The following CASR variants were observed in gnomAD, a reference collection of about 807,000 sequenced individuals.
The protein encoded by CASR is calcium sensing receptor, also known as extracellular calcium-sensing receptor.
CASR carries 23 observed loss-of-function variants against 69.1 expected under a neutral mutation model. The ratio of observed to expected loss-of-function variants is 0.33; its 90% CI spans 0.24 to 0.47. CASR has a LOEUF of 0.47. Ranked by LOEUF, CASR falls within the 20% of genes least tolerant of loss-of-function variation. The pLI is 1.00. For synonymous variants in CASR, 541 were observed against 544.7 expected, an observed-to-expected ratio of 0.99 and a Z score of 0.10; for missense variants, 924 against 1,356.1, an observed-to-expected ratio of 0.68 and a Z score of 5.00.
In CASR at chr3:122,208,870, G is replaced by A. The variant is rs184849798; in HGVS notation, c.-243+25058G>A. Among the ~76,000 whole-genome samples the A allele has an allele frequency of 4.7e-3, 718 of 152,172 alleles. 2 individuals carry two copies. Among genetic ancestry groups the A allele is most frequent in the Non-Finnish European group, 8.2e-3 (555 of 67,986 alleles). ...CTTGGAGAAAAAGGAAAGAGTGCAC[G>A]CCTTAGATGTAGATTATTTAGGCTA... On this transcript the variant is annotated intron_variant, in intron 1 of 6. Transcript: ENST00000639785.
At chr3:122,262,508 A>T in intron 4 of CASR, 96 bp downstream of exon 4, 1 of 1,092,656 alleles carries the variant, frequency 9.2e-7, no homozygotes, top group African/African-American at 1.5e-5. Context: ...GAAAAGGGCA[A>T]TATTTAAATG....
chr3:122,247,250 T>G (rs1179275369), intron 1 of CASR: 1 of 152,216 alleles, frequency 6.6e-6, no homozygotes, highest in Non-Finnish European at 1.5e-5. Flanking sequence ...GAGGCATATG[T>G]GCTCCTGTGG....
intron 1 of CASR, among the ~76,000 whole-genome samples, chr3:122,209,429 C>CA (rs2074040400): frequency 1.3e-5 from 2 of 152,188 alleles, no homozygotes; most frequent in South Asian, 2.1e-4. Flanking sequence ...ATTGGACTTA[C>CA]AGTTCCATGT....
chr3:122,214,351 G>T lies in CASR; in HGVS notation c.-243+30539G>T, dbSNP rs892867645. ...CTCAAGGTGGCGGGGGTGGGGGGCA[G>T]TATAGACAAACAATTGCAGAGCTGA... On this transcript the variant is annotated intron_variant, in intron 1 of 6. Transcript: ENST00000639785. Among the ~76,000 whole-genome samples, 5 of 152,176 alleles carry T rather than the reference G, an allele frequency of 3.3e-5. No individual in the cohort carries two copies. In the Middle Eastern group the frequency reaches 0.014, roughly 414 times the overall value.
At chr3:122,245,114 T>A (rs2074414610) in intron 1 of CASR, among the ~76,000 whole-genome samples, 1 of 152,226 alleles carries the variant, frequency 6.6e-6, no homozygotes, top group Non-Finnish European at 1.5e-5. Context: ...AGTATTTGCC[T>A]ATAACTTATC....
chr3:122,270,870 T>C (rs1418129760), intron 4 of CASR, among the ~76,000 whole-genome samples: 2 of 152,178 alleles, frequency 1.3e-5, no homozygotes. Context: ...TTTTGTTTGA[T>C]TTTAATATTT....
rs182138334 is a variant in CASR at position 122,239,126 on chromosome 3, G to A, written c.-242-14822G>A. Among the ~76,000 whole-genome samples the A allele has an allele frequency of 2.6e-3, 396 of 152,236 alleles. 5 individuals carry two copies. The highest frequency in any genetic ancestry group is 2.3e-3 in the East Asian group (12 of 5,178). On this transcript the variant is annotated intron_variant, in intron 1 of 6. Transcript: ENST00000639785. ...AGCACCAAGCGGGCTCTTGGGTCCC[G>A]AGCCCAGGTGTAGGCTCCTAGACAG...
Position 122,285,072 on chromosome 3 carries a change from C to G in CASR, c.3118C>G (p.Gln1040Glu), listed in dbSNP as rs1007139212. The G allele has an allele frequency of 4.3e-6, 7 of 1,614,086 alleles. No homozygotes were observed. The African/African-American group carries it at 9.3e-5, about 22-fold the overall frequency. ...TCTGCAAGGACCTGTGGGTGGAGAC[C>G]AGCGGCCAGAGGTGGAGGACCCTGA... is the stretch of plus-strand genomic sequence containing the variant. ...TGLQGPVGGD[Q>E]RPEVEDPEEL... The change falls in exon 7 of 7, where the codon CAG becomes GAG. Residue 1040 changes from glutamine (Q) to glutamate (E), a missense_variant. Physicochemically the swap from Gln to Glu is conservative, Grantham distance 29. This residue lies in a region of CASR where 201 missense variants were observed against 228.8 expected (regional missense o/e 0.88). Coordinates refer to ENST00000639785, the MANE Select transcript of CASR (RefSeq NM_000388.4).
chr3:122,195,304 G>A lies in CASR; in HGVS notation c.-243+11492G>A, dbSNP rs1559933812. 3.3e-5 allele frequency among the ~76,000 whole-genome samples: 5 copies of A among 152,266 alleles called. No homozygotes were observed. In the South Asian group the frequency reaches 1.0e-3, roughly 32 times the overall value. On this transcript the variant is annotated intron_variant, in intron 1 of 6. Coordinates refer to ENST00000639785, the MANE Select transcript of CASR (RefSeq NM_000388.4). ...CCCATCCATTTAGTTCAAAAGTGCTGGTTGTGTTTGTGTTACAGGTTCATG... is the reference window on the plus strand; with the variant it reads ...CCCATCCATTTAGTTCAAAAGTGCTAGTTGTGTTTGTGTTACAGGTTCATG...
chr3:122,229,751 A>G (rs569945471), intron 1 of CASR, among the ~76,000 whole-genome samples: 8 of 151,532 alleles, frequency 5.3e-5, no homozygotes, highest in African/African-American at 1.9e-4. Context: ...AATCTCAGCT[A>G]CTCGGGAGGC....
At chr3:122,206,001 C>A (rs896711426) in intron 1 of CASR, among the ~76,000 whole-genome samples, 4 of 151,890 alleles carry the variant, frequency 2.6e-5, no homozygotes, top group African/African-American at 9.7e-5. Context: ...ATTATAAGAT[C>A]ATGTTGTCTG....
Position 122,285,197 on chromosome 3 carries a change from AAGG to A in CASR, c.*9_*11del, listed in dbSNP as rs774126172. The A allele has an allele frequency of 5.1e-5, 82 of 1,613,424 alleles. No individual in the cohort carries two copies. The highest frequency in any genetic ancestry group is 6.3e-5 in the Non-Finnish European group (74 of 1,179,720). On this transcript the variant is annotated 3_prime_UTR_variant, in exon 7 of 7. Transcript: ENST00000639785. ...AAAACGTAGTGAATTCATAAAATGG[AAGG>A]AGAAGACTGGGCTAGGGAGAATGCA... is the stretch of plus-strand genomic sequence containing the variant.
At position 122,287,102 on chromosome 3, in the gene CASR, G is replaced by A. The variant is rs1015154573; in HGVS notation, c.*1911G>A. ...GCCTCTGAGCAAGGCACCGAGCTGA[G>A]TGGGGATTTATATTTAACATTTTAC... On this transcript the variant is annotated 3_prime_UTR_variant, in exon 7 of 7. Coordinates refer to ENST00000639785, the MANE Select transcript of CASR (RefSeq NM_000388.4). 2 of 152,208 alleles carry A rather than the reference G, an allele frequency of 1.3e-5. No homozygotes were observed. The highest frequency in any genetic ancestry group is 4.8e-5 in the African/African-American group (2 of 41,446). 9.4% of individuals were successfully genotyped at this position (152,208 alleles called of 1,614,324 possible). A position where few individuals can be genotyped will look rare whatever the true frequency, so the allele number is the denominator to read the frequency against.
chr3:122,250,108 G>A (rs537021499), intron 1 of CASR, among the ~76,000 whole-genome samples: 5 of 152,328 alleles, frequency 3.3e-5, no homozygotes, highest in Admixed American at 3.3e-4. Flanking sequence ...GGTGGAAGGT[G>A]ATGGGAGCTG....
intron 1 of CASR, among the ~76,000 whole-genome samples, chr3:122,187,123 T>C (rs1260507164): frequency 2.6e-5 from 4 of 152,242 alleles, no homozygotes; most frequent in Non-Finnish European, 5.9e-5. Flanking sequence ...TAAATATATA[T>C]ATAACCCTGA....
At chr3:122,220,176 T>C (rs540732857) in intron 1 of CASR, among the ~76,000 whole-genome samples, 8 of 152,304 alleles carry the variant, frequency 5.3e-5, no homozygotes, top group African/African-American at 1.9e-4. Flanking sequence ...GATCCCAAGA[T>C]AGAGACAACA....
chr3:122,267,968 T>C (rs1456326479), intron 4 of CASR, among the ~76,000 whole-genome samples: 1 of 152,174 alleles, frequency 6.6e-6, no homozygotes, highest in Non-Finnish European at 1.5e-5. Flanking sequence ...CCAGTTAACC[T>C]GTTGTAACTA....
intron 1 of CASR, among the ~76,000 whole-genome samples, chr3:122,242,070 A>G (rs2074383952): frequency 6.6e-6 from 1 of 152,196 alleles, no homozygotes; most frequent in African/African-American, 2.4e-5. Context: ...CACAGCTAGT[A>G]TCATACAGAT....
chr3:122,194,314 T>C (rs936550957), intron 1 of CASR, among the ~76,000 whole-genome samples: 1 of 152,178 alleles, frequency 6.6e-6, no homozygotes, highest in African/African-American at 2.4e-5. Flanking sequence ...CAAGGGATTT[T>C]TGTCTTCCTA....
Sources: gnomAD v4.1 joint callset for allele counts (sites outside exome capture counted in the v4.1 genomes callset) on GRCh38, gnomAD v4.1.1 for gene constraint, gnomAD v4.1.1 regional missense constraint, MANE v1.5 for transcripts, NCBI Gene and HGNC (gene_info 2026-07-23, HGNC 2026-07-21) for gene names.